MED25: variants seen among roughly 807,000 people sequenced by gnomAD.
The protein encoded by MED25 is mediator complex subunit 25.
In MED25, 62 loss-of-function variants were observed where a neutral mutation model predicts 89.4. The observed-to-expected ratio is 0.69, with a 90% CI of 0.57 to 0.86. MED25 has a LOEUF of 0.86. Among genes scored for constraint, MED25 ranks in the 40% least tolerant of loss-of-function variants. The pLI, the probability that MED25 is intolerant of heterozygous loss-of-function variation, is 0.00. For missense variants in MED25, 905 were observed against 1,005.2 expected (o/e 0.90, Z 1.35); for synonymous variants, 449 against 427.9 (o/e 1.05, Z -0.61).
rs775193212 is a variant in MED25 at position 49,819,213 on chromosome 19, G to A, written c.222G>A (p.Val74=). The A allele has an allele frequency of 9.9e-6, 16 of 1,614,222 alleles. No homozygotes were observed. The highest frequency in any genetic ancestry group is 1.3e-5 in the Non-Finnish European group (15 of 1,180,028). Residue 74 remains valine, a synonymous_variant, in exon 3 of 18, where the codon GTG becomes GTA. Transcript: ENST00000312865. ...TQYSLVVFNT[V]DCAPESYVQC... ...ACAGCCTCGTGGTGTTCAACACAGTGGACTGCGCTCCCGAGTCCTACGTAC... is the reference window on the plus strand; with the variant it reads ...ACAGCCTCGTGGTGTTCAACACAGTAGACTGCGCTCCCGAGTCCTACGTAC...
chr19:49,836,831 C>A lies in MED25; in HGVS notation c.2147-16C>A. On this transcript the variant is annotated splice_polypyrimidine_tract_variant and intron_variant, in intron 17 of 17. Coordinates refer to ENST00000312865, the MANE Select transcript of MED25 (RefSeq NM_030973.4). This position sits in a 1 kb window ranked among gnomAD's most constrained non-coding sequence, Gnocchi z 5.1. ...GGCCTACTGGGAGATGCAGTCCCTT[C>A]CCCACTGCCCCTCAGGTCAGATGCT... The A allele has an allele frequency of 1.3e-6, 2 of 1,598,502 alleles. No homozygotes were observed. Among genetic ancestry groups the A allele is most frequent in the East Asian group, 2.2e-5 (1 of 44,724 alleles).
In MED25 at chr19:49,835,349, A is replaced by G. The variant is rs2074087790; in HGVS notation, c.1674+172A>G. ...GTCTCTCTCCTTTTTCAGCATCCAC[A>G]TCAAAGCCCTGACACAGCTTCCTCC... On this transcript the variant is annotated intron_variant, in intron 14 of 17. Coordinates refer to ENST00000312865, the MANE Select transcript of MED25 (RefSeq NM_030973.4). This position sits in a 1 kb window ranked among gnomAD's most constrained non-coding sequence, Gnocchi z 6.2. Among the ~76,000 whole-genome samples the G allele has an allele frequency of 6.6e-6, 1 of 152,106 alleles. No individual in the cohort carries two copies. Among genetic ancestry groups the G allele is most frequent in the Non-Finnish European group, 1.5e-5 (1 of 68,004 alleles).
At position 49,831,948 on chromosome 19, in the gene MED25, G is replaced by T. The variant is rs771844561; in HGVS notation, c.1243G>T (p.Ala415Ser). Residue 415 changes from alanine (A) to serine (S), a missense_variant, in exon 11 of 18, where the codon GCC becomes TCC. By Grantham distance (99) the Ala-to-Ser change is moderately conservative (BLOSUM62 1). This residue lies in a region of MED25 where 133 missense variants were observed against 220.2 expected (regional missense o/e 0.60). Transcript: ENST00000312865. This position sits in a 1 kb window ranked among gnomAD's most constrained non-coding sequence, Gnocchi z 5.0. ...VLEWQEKPKP[A>S]SVDANTKLTR... ...TTTTCCCCCTCAGAAACCCAAACCTGCCTCAGTGGATGCCAACACCAAGCT... is the reference window on the plus strand; with the variant it reads ...TTTTCCCCCTCAGAAACCCAAACCTTCCTCAGTGGATGCCAACACCAAGCT... 6.2e-7 allele frequency: 1 copy of T among 1,614,010 alleles called. No individual in the cohort carries two copies. Among genetic ancestry groups the T allele is most frequent in the Non-Finnish European group, 8.5e-7 (1 of 1,179,986 alleles).
At chr19:49,839,165 C>T (rs1018605751), downstream of MED25, 14 of 219,734 alleles carry the variant, frequency 6.4e-5, no homozygotes, top group Non-Finnish European at 1.3e-4. Flanking sequence ...TTGATGTGAC[C>T]GAAGAAGTCT....
chr19:49,822,640 C>CTTTTTTTTT (rs536060694), intron 3 of MED25, among the ~76,000 whole-genome samples: 3 of 68,244 alleles, frequency 4.4e-5, no homozygotes, highest in African/African-American at 1.3e-4. Context: ...CTGTTACATT[C>CTTTTTTTTT]TTTTTTTTTT....
chr19:49,837,004 C>T (rs774378426), downstream of MED25: 10 of 1,363,436 alleles, frequency 7.3e-6, no homozygotes, highest in Middle Eastern at 1.8e-4. Flanking sequence ...TCACTGACAT[C>T]CCTCAGGACT....
downstream of MED25, among the ~76,000 whole-genome samples, chr19:49,837,772 G>T (rs1161744640): frequency 1.3e-5 from 2 of 152,194 alleles, no homozygotes; most frequent in Admixed American, 1.3e-4. Context: ...CTCAGGACGT[G>T]TCCTTAGGGG....
chr19:49,826,127 T>G (rs1434909935), intron 3 of MED25, among the ~76,000 whole-genome samples: 1 of 151,696 alleles, frequency 6.6e-6, no homozygotes, highest in Non-Finnish European at 1.5e-5. Context: ...GATCATAAGG[T>G]CAGGAGTTCG....
In MED25 at chr19:49,836,832, C is replaced by T. The variant is rs2074102538; in HGVS notation, c.2147-15C>T. On this transcript the variant is annotated splice_polypyrimidine_tract_variant and intron_variant, in intron 17 of 17. Coordinates refer to ENST00000312865, the MANE Select transcript of MED25 (RefSeq NM_030973.4). The surrounding 1 kb of genome is among the most constrained non-coding windows in gnomAD (Gnocchi z 5.1). The stretch of plus-strand genomic sequence containing the variant: ...GCCTACTGGGAGATGCAGTCCCTTC[C>T]CCACTGCCCCTCAGGTCAGATGCTG... 1.2e-6 allele frequency: 2 copies of T among 1,600,406 alleles called. No homozygotes were observed. The highest frequency in any genetic ancestry group is 1.7e-5 in the Admixed American group (1 of 59,642).
chr19:49,818,659 G>T (rs1282907745), intron 2 of MED25, 43 bp downstream of exon 2: 2 of 1,574,820 alleles, frequency 1.3e-6, no homozygotes, highest in East Asian at 2.2e-5. Context: ...AGGGGCCGGG[G>T]GCCTGGACTC....
chr19:49,840,324 C>A (rs2074124854), downstream of MED25: 2 of 152,122 alleles, frequency 1.3e-5, no homozygotes, highest in African/African-American at 4.8e-5. Context: ...CCAGTAACAT[C>A]CATGTTTGTA....
At chr19:49,832,796 G>A (rs1162263571) in intron 13 of MED25, 6 of 341,072 alleles carry the variant, frequency 1.8e-5, no homozygotes, top group East Asian at 7.8e-5. Flanking sequence ...GAAGCCCAAG[G>A]TCAGGGTGTC....
At position 49,836,746 on chromosome 19, in the gene MED25, G is replaced by T; in HGVS notation, c.2147-101G>T. On this transcript the variant is annotated intron_variant, in intron 17 of 17. Coordinates refer to ENST00000312865, the MANE Select transcript of MED25 (RefSeq NM_030973.4). This position sits in a 1 kb window ranked among gnomAD's most constrained non-coding sequence, Gnocchi z 5.1. ...CTAGATGGGGCCAGAAGGTGCTTCT[G>T]TTGGGTCCCCCAAGGGCTGCCTAGA... is the stretch of plus-strand genomic sequence containing the variant. 1.1e-6 allele frequency: 1 copy of T among 882,666 alleles called. No individual in the cohort carries two copies. The highest frequency in any genetic ancestry group is 1.4e-5 in the South Asian group (1 of 70,978). The allele number at this position is 882,666 out of a possible 1,614,324, so 54.7% of individuals were successfully genotyped here.
chr19:49,818,650 G>A (rs1475408451), intron 2 of MED25, 34 bp downstream of exon 2: 1 of 1,592,050 alleles, frequency 6.3e-7, no homozygotes, highest in Non-Finnish European at 8.6e-7. Context: ...TGAGGGAGGA[G>A]GGGCCGGGGG....
rs749536308 is a variant in MED25 at position 49,829,111 on chromosome 19, G to A, written c.525+21G>A. ...GGGAGGTGAGGACTCCAGGGTCTGA[G>A]GGACGAGGGTCTGGGGGCCCGGAGT... On this transcript the variant is annotated intron_variant, in intron 5 of 17. Coordinates refer to ENST00000312865, the MANE Select transcript of MED25 (RefSeq NM_030973.4). The surrounding 1 kb of genome is among the most constrained non-coding windows in gnomAD (Gnocchi z 4.6). 40 of 1,609,222 alleles carry A rather than the reference G, an allele frequency of 2.5e-5. No homozygotes were observed. Among genetic ancestry groups the A allele is most frequent in the Middle Eastern group, 1.6e-4 (1 of 6,076 alleles).
At chr19:49,819,115 C>CT in intron 2 of MED25, 57 bp from the exon 3 acceptor site, 1 of 1,609,108 alleles carries the variant, frequency 6.2e-7, no homozygotes, top group Non-Finnish European at 8.5e-7. Context: ...GATTCCTTCT[C>CT]TAAGGGAAAA....
chr19:49,837,637 G>A (rs911849274), downstream of MED25, among the ~76,000 whole-genome samples: 2 of 152,144 alleles, frequency 1.3e-5, no homozygotes, highest in South Asian at 2.1e-4. Context: ...CGGGGGCTGG[G>A]GTAGAGGTTC....
In MED25 at chr19:49,830,130, C is replaced by A; in HGVS notation, c.731C>A (p.Pro244Gln). 6.2e-7 allele frequency: 1 copy of A among 1,608,784 alleles called. No homozygotes were observed. The highest frequency in any genetic ancestry group is 1.1e-5 in the South Asian group (1 of 90,950). Residue 244 changes from proline (P) to glutamine (Q), a missense_variant, in exon 7 of 18, where the codon CCA becomes CAA. Coordinates refer to ENST00000312865, the MANE Select transcript of MED25 (RefSeq NM_030973.4). This position sits in a 1 kb window ranked among gnomAD's most constrained non-coding sequence, Gnocchi z 4.6. Reference sequence around the variant, plus strand: ...CCAGGCCCCCTCCAGTCAAAGCAGCCAGTCCCCCTGCCTCCCGCCGCACCC... The same window carrying A: ...CCAGGCCCCCTCCAGTCAAAGCAGCAAGTCCCCCTGCCTCCCGCCGCACCC... ...SAPGPLQSKQ[P>Q]VPLPPAAPSG...
chr19:49,818,339 G>T lies in MED25; in HGVS notation c.-3G>T. On this transcript the variant is annotated 5_prime_UTR_variant, in exon 1 of 18. Transcript: ENST00000312865. ...AGTGGTGGTGGCGGGTACCGCACGG[G>T]GTATGGTCCCCGGGTCCGAGGGCCC... 1 of 1,583,056 alleles carries T rather than the reference G, an allele frequency of 6.3e-7. No individual in the cohort carries two copies. The highest frequency in any genetic ancestry group is 8.6e-7 in the Non-Finnish European group (1 of 1,164,200).
Sources: allele counts gnomAD v4.1 joint callset (sites outside exome capture counted in the v4.1 genomes callset), GRCh38; gene constraint gnomAD v4.1.1; regional missense constraint gnomAD v4.1.1; non-coding constraint Gnocchi (gnomAD v3.1); transcripts MANE v1.5; gene names NCBI Gene and HGNC (gene_info 2026-07-23, HGNC 2026-07-21).